Variants in KCNC4 observed in about 807,000 individuals in gnomAD.
The protein encoded by KCNC4 is potassium voltage-gated channel subfamily C member 4.
In KCNC4, 23 loss-of-function variants were observed where a neutral mutation model predicts 42.8. That is an observed-to-expected ratio of 0.54 (90% CI 0.39 to 0.76). The LOEUF (loss-of-function observed/expected upper bound fraction) is 0.76. Ranked by LOEUF, KCNC4 falls within the 30% of genes least tolerant of loss-of-function variation. The pLI is 0.00. For missense variants in KCNC4, 751 were observed against 898.2 expected, an observed-to-expected ratio of 0.84 and a Z score of 2.10; for synonymous variants, 422 against 393.5, an observed-to-expected ratio of 1.07 and a Z score of -0.86.
At chr1:110,213,600 C>T (rs567282437) in intron 1 of KCNC4, among the ~76,000 whole-genome samples, 7 of 152,198 alleles carry the variant, frequency 4.6e-5, no homozygotes, top group Non-Finnish European at 8.8e-5. Flanking sequence ...CGGGCTGGGG[C>T]TGCAGGCAGC....
chr1:110,258,697 G>T lies in KCNC4; in HGVS notation n.31-23837G>T, dbSNP rs954416797. 7.2e-5 allele frequency among the ~76,000 whole-genome samples: 11 copies of T among 152,284 alleles called. 1 individual carries two copies. Among genetic ancestry groups the T allele is most frequent in the Middle Eastern group, 6.8e-3 (2 of 294 alleles). On this transcript the variant is annotated intron_variant and non_coding_transcript_variant, in intron 1 of 2. Coordinates refer to the KCNC4 transcript ENST00000412512. Reference sequence around the variant, plus strand: ...GTCACCTAGGCTATGCTGCTTTTACGAGGAAGGCACAAAAATTCTTAAAAC... The same window carrying T: ...GTCACCTAGGCTATGCTGCTTTTACTAGGAAGGCACAAAAATTCTTAAAAC...
chr1:110,218,397 C>T (rs2100999054), intron 1 of KCNC4, among the ~76,000 whole-genome samples: 1 of 152,288 alleles, frequency 6.6e-6, no homozygotes, highest in East Asian at 1.9e-4. Context: ...CTCCTTCACT[C>T]TTCAGGGCTG....
rs992827747 is a variant in KCNC4 at position 110,210,490 on chromosome 1, C to T, written c.-1010C>T. On this transcript the variant is annotated 5_prime_UTR_variant, in exon 1 of 4. Coordinates refer to ENST00000438661, the MANE Select transcript of KCNC4 (RefSeq NM_001039574.3). ...GGCAGACGCGTAGATGGCGTGGCTC[C>T]CAGCGCCGCCAGATCGCAGGAACCA... Among the ~76,000 whole-genome samples the T allele has an allele frequency of 6.6e-6, 1 of 151,370 alleles. No homozygotes were observed. Among genetic ancestry groups the T allele is most frequent in the African/African-American group, 2.4e-5 (1 of 41,336 alleles).
chr1:110,211,396 G>GCCTCCTCTTCGTCTCCTC lies in KCNC4; in HGVS notation c.-101_-84dup. The GCCTCCTCTTCGTCTCCTC allele has an allele frequency of 6.8e-7, 1 of 1,463,086 alleles. No homozygotes were observed. Among genetic ancestry groups the GCCTCCTCTTCGTCTCCTC allele is most frequent in the Non-Finnish European group, 9.1e-7 (1 of 1,097,722 alleles). The allele number at this position is 1,463,086 out of a possible 1,614,324, so 90.6% of individuals were successfully genotyped here. A position where few individuals can be genotyped will look rare whatever the true frequency, so the allele number is the denominator to read the frequency against. On this transcript the variant is annotated 5_prime_UTR_variant, in exon 1 of 4. Transcript: ENST00000438661. This position sits in a 1 kb window ranked among gnomAD's most constrained non-coding sequence, Gnocchi z 6.5. ...GCAGAGGGGGCCGCCACCGCCTCCT[G>GCCTCCTCTTCGTCTCCTC]CCTCCTCTTCGTCTCCTCCCCCTCC...
intron 1 of KCNC4, among the ~76,000 whole-genome samples, chr1:110,217,887 C>A (rs1413993832): frequency 6.6e-6 from 1 of 152,152 alleles, no homozygotes; most frequent in Admixed American, 6.5e-5. Flanking sequence ...TGCCTCTTAC[C>A]CCCGGGACTG....
chr1:110,219,489 T>C (rs1016724778), intron 1 of KCNC4, among the ~76,000 whole-genome samples: 1 of 152,162 alleles, frequency 6.6e-6, no homozygotes, highest in Non-Finnish European at 1.5e-5. Flanking sequence ...GGCCCAAGGC[T>C]TCTAGTGTAG....
At chr1:110,228,187 A>G (rs1658504475) in intron 3 of KCNC4, among the ~76,000 whole-genome samples, 1 of 152,192 alleles carries the variant, frequency 6.6e-6, no homozygotes, top group African/African-American at 2.4e-5. Context: ...CCTCCTCCAC[A>G]CAGGCCCATG....
chr1:110,237,556 G>A (rs1658934868), downstream of KCNC4: 1 of 152,252 alleles, frequency 6.6e-6, no homozygotes, highest in African/African-American at 2.4e-5. Flanking sequence ...GGATGATCAT[G>A]TGCTGCACCA....
In KCNC4 at chr1:110,226,160, G is replaced by T. The variant is rs758622508; in HGVS notation, c.1801G>T (p.Asp601Tyr). ...CAGCACTGGGGACTATGCCTGCGCC[G>T]ATGGTAGTGTCCGGAAAGGTATGGC... is the stretch of plus-strand genomic sequence containing the variant. ...LLSTGDYACA[D>Y]GSVRKETCQD... is the part of the protein sequence containing the mutation. The change falls in exon 3 of 4, where the codon GAT (aspartate) becomes TAT (tyrosine). Residue 601 changes from aspartate to tyrosine, a missense_variant. By Grantham distance (160) the Asp-to-Tyr change is radical (BLOSUM62 -3). Around this residue, in one of 4 missense-constraint regions of KCNC4, gnomAD observed 202 missense variants for 181.5 expected, o/e 1.11. Transcript: ENST00000438661. 2.5e-6 allele frequency: 4 copies of T among 1,614,126 alleles called. No individual in the cohort carries two copies. The highest frequency in any genetic ancestry group is 3.4e-6 in the Non-Finnish European group (4 of 1,180,010).
intron 1 of KCNC4, among the ~76,000 whole-genome samples, chr1:110,263,343 AG>A (rs900425523): frequency 7.1e-5 from 7 of 98,548 alleles, no homozygotes; most frequent in South Asian, 3.4e-4. Flanking sequence ...TGAGAATTTA[AG>A]GGTTTTTTTT....
chr1:110,215,580 C>T (rs1364388646), intron 1 of KCNC4, among the ~76,000 whole-genome samples: 1 of 152,196 alleles, frequency 6.6e-6, no homozygotes, highest in Non-Finnish European at 1.5e-5. Context: ...TTGGCTAAAT[C>T]AGCACATTTT....
At chr1:110,279,205 A>C (rs530074553) in intron 1 of KCNC4, among the ~76,000 whole-genome samples, 5 of 152,238 alleles carry the variant, frequency 3.3e-5, no homozygotes, top group Non-Finnish European at 5.9e-5. Flanking sequence ...ACCTTTCCCC[A>C]TTGAGCTGGA....
In KCNC4 at chr1:110,213,170, T is replaced by TAAAAAAAAA. The variant is rs760587471; in HGVS notation, c.678+1012_678+1020dup. ...GCTTCCCCCATTATGCTTCGACAGC[T>TAAAAAAAAA]AAAAAAAAAAAAAAAAAAAAAAAAA... On this transcript the variant is annotated intron_variant, in intron 1 of 3. Transcript: ENST00000438661. 1.1e-3 allele frequency among the ~76,000 whole-genome samples: 56 copies of TAAAAAAAAA among 50,844 alleles called. 2 individuals are homozygous for TAAAAAAAAA. The highest frequency in any genetic ancestry group is 3.7e-3 in the African/African-American group (42 of 11,400). The allele number at this position is 50,844 out of a possible 152,430, so 33.4% of individuals were successfully genotyped here.
chr1:110,225,874 G>C, intron 2 of KCNC4, 101 bp from the exon 3 acceptor site: 3 of 1,152,722 alleles, frequency 2.6e-6, no homozygotes, highest in Non-Finnish European at 3.7e-6. Context: ...CCCCTCCCAA[G>C]GTTGAGGAAG....
downstream of KCNC4, among the ~76,000 whole-genome samples, chr1:110,253,285 G>A (rs1308597960): frequency 6.6e-6 from 1 of 152,200 alleles, no homozygotes; most frequent in Admixed American, 6.5e-5. Flanking sequence ...TTGCACATGT[G>A]TGCCTTGTTT....
At chr1:110,258,657 T>C (rs1305767221) in intron 1 of KCNC4, among the ~76,000 whole-genome samples, 1 of 152,232 alleles carries the variant, frequency 6.6e-6, no homozygotes, top group Non-Finnish European at 1.5e-5. Flanking sequence ...CAGATGACTA[T>C]TAACCCTGCC....
At chr1:110,240,685 A>G (rs4839261) in exon 4 of KCNC4, 113,980 of 152,030 alleles carry the variant, frequency 0.75, 42,972 homozygotes, top group South Asian at 0.79. Flanking sequence ...CTGTTGCCAC[A>G]GTGACCCTCC....
chr1:110,247,186 T>C (rs1451574018), exon 4 of KCNC4: 1 of 152,104 alleles, frequency 6.6e-6, no homozygotes, highest in African/African-American at 2.4e-5. Flanking sequence ...ATTCCATGTC[T>C]TTGCTATTGT....
intron 1 of KCNC4, among the ~76,000 whole-genome samples, chr1:110,257,413 CA>C (rs869271653): frequency 2.3e-3 from 315 of 136,210 alleles, no homozygotes; most frequent in Non-Finnish European, 1.9e-3. Flanking sequence ...TCCCCTGCCG[CA>C]AAAAAAAAAA....
Sources: gnomAD v4.1 joint callset for allele counts (sites outside exome capture counted in the v4.1 genomes callset) on GRCh38, gnomAD v4.1.1 for gene constraint, gnomAD v4.1.1 regional missense constraint, Gnocchi (gnomAD v3.1) non-coding constraint, MANE v1.5 for transcripts, NCBI Gene and HGNC (gene_info 2026-07-23, HGNC 2026-07-21) for gene names.